The following CCNJ variants were observed in gnomAD, a reference collection of about 807,000 sequenced individuals.
CCNJ encodes the protein cyclin-J.
A neutral mutation model predicts 41.4 loss-of-function variants in CCNJ; 12 were observed. That is an observed-to-expected ratio of 0.29 (90% confidence interval 0.19 to 0.47). CCNJ has a LOEUF of 0.47. Among genes scored for constraint, CCNJ ranks in the 20% least tolerant of loss-of-function variants. The pLI is 1.00. For synonymous variants in CCNJ, 161 were observed against 173.4 expected (o/e 0.93, Z 0.56); for missense variants, 340 against 464.6 (o/e 0.73, Z 2.47).
Position 96,058,475 on chromosome 10 carries a change from C to G in CCNJ, c.*234C>G, listed in dbSNP as rs1002960070. The G allele has an allele frequency of 2.0e-6, 1 of 512,462 alleles. No homozygotes were observed. The allele number at this position is 512,462 out of a possible 1,614,324, so 31.7% of individuals were successfully genotyped here. On this transcript the variant is annotated 3_prime_UTR_variant, in exon 6 of 6. Coordinates refer to ENST00000465148, the MANE Select transcript of CCNJ (RefSeq NM_001134375.2). ...CAAATCCCTGTATGACAAAAATGTT[C>G]AAGTCCTGGCTGATGGTCCAAATAT...
rs557190800 is a variant in CCNJ, at chr10:96,050,224, G to T, written c.70-32G>T. 3 of 1,447,766 alleles carry T rather than the reference G, an allele frequency of 2.1e-6. No homozygotes were observed. In the African/African-American group the frequency reaches 4.2e-5, roughly 20 times the overall value. 89.7% of individuals were successfully genotyped at this position (1,447,766 alleles called of 1,614,324 possible). ...CCTTGTGGGGATACGCCTACAGATA[G>T]GTCAGACTAAATGTTGTTCCTTTTG... On this transcript the variant is annotated intron_variant, in intron 2 of 5. Coordinates refer to ENST00000465148, the MANE Select transcript of CCNJ (RefSeq NM_001134375.2).
chr10:96,051,325 TTG>T (rs1466650055), intron 3 of CCNJ, among the ~76,000 whole-genome samples: 2 of 152,138 alleles, frequency 1.3e-5, no homozygotes, highest in East Asian at 1.9e-4. Flanking sequence ...GGAATTGAAA[TTG>T]TGTTTTTTTT....
At chr10:96,057,689 G>A (rs928290630) in intron 5 of CCNJ, 141 bp from the exon 6 acceptor site, 7 of 698,882 alleles carry the variant, frequency 1.0e-5, no homozygotes, top group African/African-American at 1.8e-5. Flanking sequence ...AGGTCTCACT[G>A]TTGTTGGAAT....
At chr10:96,050,515 A>G (rs748126597) in intron 3 of CCNJ, 49 bp downstream of exon 3, 1 of 1,332,690 alleles carries the variant, frequency 7.5e-7, no homozygotes, top group Non-Finnish European at 1.1e-6. Flanking sequence ...ATGTTTATAT[A>G]ATAAAATAAA....
intron 3 of CCNJ, among the ~76,000 whole-genome samples, chr10:96,053,888 T>C: frequency 6.6e-6 from 1 of 152,128 alleles, no homozygotes. Context: ...ATTTTTATAT[T>C]AGATTCATTT....
chr10:96,043,883 G>A (rs1050720490), intron 1 of CCNJ, among the ~76,000 whole-genome samples, 164 bp downstream of exon 1: 9 of 152,202 alleles, frequency 5.9e-5, no homozygotes, highest in African/African-American at 9.6e-5. Context: ...GGGAGGAGCA[G>A]GCTCCCGACG....
Position 96,044,346 on chromosome 10 carries a change from C to T in CCNJ, c.-41-7C>T, listed in dbSNP as rs368225516. 9.3e-4 allele frequency: 1,364 copies of T among 1,467,332 alleles called. No individual in the cohort carries two copies. Among genetic ancestry groups the T allele is most frequent in the Non-Finnish European group, 1.2e-3 (1,311 of 1,094,504 alleles). 90.9% of individuals were successfully genotyped at this position (1,467,332 alleles called of 1,614,324 possible). Reference sequence around the variant, plus strand: ...GGCAGTGACCGCGCCTGGGGTGTGTCTTACAGACTCGAGTTGCCGCGTCGG... The same window carrying T: ...GGCAGTGACCGCGCCTGGGGTGTGTTTTACAGACTCGAGTTGCCGCGTCGG... On this transcript the variant is annotated splice_polypyrimidine_tract_variant and splice_region_variant and intron_variant, in intron 1 of 5. Coordinates refer to ENST00000465148, the MANE Select transcript of CCNJ (RefSeq NM_001134375.2).
intron 2 of CCNJ, among the ~76,000 whole-genome samples, chr10:96,047,726 A>C (rs2080402870): frequency 6.6e-6 from 1 of 152,230 alleles, no homozygotes; most frequent in Admixed American, 6.5e-5. Context: ...AGTTAGGTGA[A>C]TATATAACTT....
chr10:96,044,441 T>TCA lies in CCNJ; in HGVS notation c.50_51dup (p.Gln18ThrfsTer9). Reference sequence around the variant, plus strand: ...GGCGAGGACAGCTGGCCGCCGATATTCACCAAGCGCTTCGCTACAAGGTAA... The same window carrying TCA: ...GGCGAGGACAGCTGGCCGCCGATATTCACACCAAGCGCTTCGCTACAAGGTAA... On this transcript the variant is annotated frameshift_variant, in exon 2 of 6. Transcript: ENST00000465148. LOFTEE classifies it high-confidence loss of function. The TCA allele has an allele frequency of 6.4e-7, 1 of 1,559,926 alleles. No homozygotes were observed. The highest frequency in any genetic ancestry group is 8.7e-7 in the Non-Finnish European group (1 of 1,147,854).
chr10:96,046,673 T>C (rs945157668), intron 2 of CCNJ, among the ~76,000 whole-genome samples: 1 of 152,206 alleles, frequency 6.6e-6, no homozygotes, highest in Non-Finnish European at 1.5e-5. Flanking sequence ...GTTTAGGCCC[T>C]AGGTTTGTGG....
rs1387500666 is a variant in CCNJ at position 96,060,012 on chromosome 10, A to T, written c.*1771A>T. 1 of 152,690 alleles carries T rather than the reference A, an allele frequency of 6.5e-6. No homozygotes were observed. Among genetic ancestry groups the T allele is most frequent in the Non-Finnish European group, 1.5e-5 (1 of 68,040 alleles). The allele number at this position is 152,690 out of a possible 1,614,324, so 9.5% of individuals were successfully genotyped here. A position where few individuals can be genotyped will look rare whatever the true frequency, so the allele number is the denominator to read the frequency against. Reference sequence around the variant, plus strand: ...ACCACTCAGGTAAGAACACTCACTCATGGCAGTTTTTAAGCATGAAAATTG... The same window carrying T: ...ACCACTCAGGTAAGAACACTCACTCTTGGCAGTTTTTAAGCATGAAAATTG... On this transcript the variant is annotated 3_prime_UTR_variant, in exon 6 of 6. Coordinates refer to ENST00000465148, the MANE Select transcript of CCNJ (RefSeq NM_001134375.2).
chr10:96,044,584 G>GTTTGCTCA (rs2080309196), intron 2 of CCNJ, 122 bp downstream of exon 2: 2 of 721,630 alleles, frequency 2.8e-6, no homozygotes, highest in East Asian at 3.3e-5. Context: ...GAAAAGGCGA[G>GTTTGCTCA]TTTGCTCATT....
At chr10:96,054,758 T>C (rs2080632929) in intron 3 of CCNJ, among the ~76,000 whole-genome samples, 1 of 152,072 alleles carries the variant, frequency 6.6e-6, no homozygotes, top group Non-Finnish European at 1.5e-5. Flanking sequence ...TCATATGCAA[T>C]TTTTTTTCCC....
intron 2 of CCNJ, among the ~76,000 whole-genome samples, chr10:96,049,475 CTTTTT>C (rs2080459754): frequency 8.9e-6 from 1 of 112,664 alleles, no homozygotes; most frequent in Non-Finnish European, 1.8e-5. Context: ...TTTTCTTTTT[CTTTTT>C]CTTTTTTTTT....
At chr10:96,053,715 A>G (rs960935000) in intron 3 of CCNJ, among the ~76,000 whole-genome samples, 24 of 152,316 alleles carry the variant, frequency 1.6e-4, no homozygotes, top group Non-Finnish European at 3.2e-4. Flanking sequence ...AGTAGTAACA[A>G]TTTGTAACAA....
At chr10:96,047,344 G>A (rs926721086) in intron 2 of CCNJ, among the ~76,000 whole-genome samples, 1 of 152,064 alleles carries the variant, frequency 6.6e-6, no homozygotes, top group Admixed American at 6.5e-5. Flanking sequence ...TTCCCTTTAT[G>A]TGGAAAAAAA....
At chr10:96,043,301 C>A (rs1364042872), upstream of CCNJ, 1 of 294,282 alleles carries the variant, frequency 3.4e-6, no homozygotes, top group Admixed American at 5.2e-5. Flanking sequence ...CGCTCTCTGC[C>A]GACCTCAGCC....
rs541504845 is a variant in CCNJ at position 96,050,570 on chromosome 10, A to G, written c.280+104A>G. On this transcript the variant is annotated intron_variant, in intron 3 of 5. Transcript: ENST00000465148. ...AATATCATCAAATCCCATTCATTCC[A>G]GTTCACTAGTATCAAGAAGCTTATG... 2.9e-5 allele frequency: 23 copies of G among 795,716 alleles called. No homozygotes were observed. The South Asian group carries it at 3.9e-4, about 13-fold the overall frequency. The allele number at this position is 795,716 out of a possible 1,614,324, so 49.3% of individuals were successfully genotyped here. A position where few individuals can be genotyped will look rare whatever the true frequency, so the allele number is the denominator to read the frequency against.
chr10:96,057,094 C>T lies in CCNJ; in HGVS notation c.587C>T (p.Ala196Val), dbSNP rs1302129586. 1 of 1,614,044 alleles carries T rather than the reference C, an allele frequency of 6.2e-7. No individual in the cohort carries two copies. The highest frequency in any genetic ancestry group is 1.7e-5 in the Admixed American group (1 of 60,026). ...ATTTTTGGTGTCTCCACAGATTATGCCTTTCTAAATTATGCACCTTCTTTA... is the reference window on the plus strand; with the variant it reads ...ATTTTTGGTGTCTCCACAGATTATGTCTTTCTAAATTATGCACCTTCTTTA... Reference protein sequence around the residue: ...YFLEVSLQDYAFLNYAPSLVA... With the variant: ...YFLEVSLQDYVFLNYAPSLVA... Residue 196 changes from alanine to valine, a missense_variant, in exon 5 of 6, where the codon GCC (alanine) becomes GTC (valine). This residue lies in a region of CCNJ where 137 missense variants were observed against 252.9 expected (regional missense o/e 0.54). Coordinates refer to ENST00000465148, the MANE Select transcript of CCNJ (RefSeq NM_001134375.2).
Sources: gnomAD v4.1 joint callset for allele counts (sites outside exome capture counted in the v4.1 genomes callset) on GRCh38, gnomAD v4.1.1 for gene constraint, gnomAD v4.1.1 regional missense constraint, MANE v1.5 for transcripts, NCBI Gene and HGNC (gene_info 2026-07-23, HGNC 2026-07-21) for gene names.